SLC22A23: variants seen among roughly 807,000 people sequenced by gnomAD.
SLC22A23 encodes ion transporter protein.
In SLC22A23, 26 loss-of-function variants were observed where a neutral mutation model predicts 61.0. That is an observed-to-expected ratio of 0.43 (90% CI 0.31 to 0.59). The LOEUF is 0.59. Among genes scored for constraint, SLC22A23 ranks in the 20% least tolerant of loss-of-function variants. The probability of loss-of-function intolerance (pLI) is 0.11; values close to 1 mark genes in which losing one functional copy is unlikely to be tolerated. For synonymous variants in SLC22A23, 430 were observed against 413.9 expected (o/e 1.04, Z -0.47); for missense variants, 796 against 934.7 (o/e 0.85, Z 1.94).
chr6:3,443,706 A>T (rs1771735616), intron 1 of SLC22A23, among the ~76,000 whole-genome samples: 1 of 152,112 alleles, frequency 6.6e-6, no homozygotes, highest in Non-Finnish European at 1.5e-5. Context: ...AGCCCTGCGT[A>T]ACCTCACTCC....
chr6:3,374,012 A>G (rs1229028763), intron 3 of SLC22A23, among the ~76,000 whole-genome samples: 1 of 152,246 alleles, frequency 6.6e-6, no homozygotes, highest in African/African-American at 2.4e-5. Context: ...AAAAAGGTTA[A>G]GTATCTGCCC....
intron 3 of SLC22A23, among the ~76,000 whole-genome samples, chr6:3,362,259 C>G (rs914851889): frequency 2.0e-5 from 3 of 151,384 alleles, no homozygotes; most frequent in Non-Finnish European, 4.4e-5. Context: ...AAAAAATTAG[C>G]TGGGCGTGGT....
At chr6:3,274,056 A>G (rs1168458379) in intron 9 of SLC22A23, among the ~76,000 whole-genome samples, 1 of 152,206 alleles carries the variant, frequency 6.6e-6, no homozygotes, top group Admixed American at 6.5e-5. Flanking sequence ...GCACTGACAG[A>G]GAGGAACTCA....
intron 3 of SLC22A23, among the ~76,000 whole-genome samples, chr6:3,402,093 A>C (rs1249620463): frequency 2.0e-5 from 3 of 151,924 alleles, no homozygotes; most frequent in Non-Finnish European, 4.4e-5. Flanking sequence ...GCCCTCCTTC[A>C]CCCTTCTCCC....
intron 3 of SLC22A23, among the ~76,000 whole-genome samples, chr6:3,392,124 C>T (rs566835832): frequency 5.2e-4 from 79 of 152,348 alleles, no homozygotes; most frequent in Non-Finnish European, 1.0e-3. Context: ...AGACCAAGTT[C>T]TCCAGCCACC....
intron 9 of SLC22A23, among the ~76,000 whole-genome samples, chr6:3,274,409 G>A (rs1406525276): frequency 2.6e-5 from 4 of 152,320 alleles, no homozygotes; most frequent in Non-Finnish European, 4.4e-5. Context: ...GTGGAGTTGT[G>A]TGCCTCGCTC....
chr6:3,361,878 T>G (rs6906575), intron 3 of SLC22A23, among the ~76,000 whole-genome samples: 111 of 152,078 alleles, frequency 7.3e-4, no homozygotes, highest in African/African-American at 2.5e-3. Context: ...GATGAAGACA[T>G]GGTCCCTACC....
chr6:3,322,592 T>A lies in SLC22A23; in HGVS notation c.1082+1242A>T, dbSNP rs989606753. Among the ~76,000 whole-genome samples the A allele has an allele frequency of 1.3e-5, 2 of 152,128 alleles. No homozygotes were observed. The highest frequency in any genetic ancestry group is 2.9e-5 in the Non-Finnish European group (2 of 68,004). ...GTGGCCTCTCTGGCAGGTGGCCTTT[T>A]CCCATCTGCTATTGCTGGCCCCCTG... On this transcript the variant is annotated intron_variant, in intron 4 of 9. Transcript: ENST00000406686. The surrounding 1 kb of genome is among the most constrained non-coding windows in gnomAD (Gnocchi z 4.1).
chr6:3,452,039 CT>C (rs1772176148), intron 1 of SLC22A23, among the ~76,000 whole-genome samples: 1 of 152,166 alleles, frequency 6.6e-6, no homozygotes, highest in Non-Finnish European at 1.5e-5. Flanking sequence ...ATAAAACAGA[CT>C]TTGTGTGAGA....
chr6:3,288,314 C>G (rs1760245306), intron 6 of SLC22A23, among the ~76,000 whole-genome samples: 1 of 152,236 alleles, frequency 6.6e-6, no homozygotes, highest in Non-Finnish European at 1.5e-5. Flanking sequence ...AATCTACGTC[C>G]TTCTCATCTA....
At chr6:3,369,690 C>CAA (rs56226023) in intron 3 of SLC22A23, among the ~76,000 whole-genome samples, 97,682 of 144,742 alleles carry the variant, frequency 0.67, 32,955 homozygotes, top group East Asian at 0.83. Context: ...GACTCCATCT[C>CAA]AAAAAAAAAA....
chr6:3,456,734 G>A lies in SLC22A23; in HGVS notation c.-175C>T, dbSNP rs1168600925. ...GCGTCAGGCCGCCCCCATGTCACCC[G>A]CCGGACCCCGCGCCCCGGGCGCTGC... On this transcript the variant is annotated 5_prime_UTR_variant, in exon 1 of 10. Coordinates refer to ENST00000406686, the MANE Select transcript of SLC22A23 (RefSeq NM_015482.2). This position sits in a 1 kb window ranked among gnomAD's most constrained non-coding sequence, Gnocchi z 7.1. 7 of 248,362 alleles carry A rather than the reference G, an allele frequency of 2.8e-5. No individual in the cohort carries two copies. The East Asian group carries it at 1.3e-3, about 46-fold the overall frequency. 15.4% of individuals were successfully genotyped at this position (248,362 alleles called of 1,614,324 possible). A position where few individuals can be genotyped will look rare whatever the true frequency, so the allele number is the denominator to read the frequency against.
chr6:3,273,147 C>G lies in SLC22A23; in HGVS notation c.1969G>C (p.Glu657Gln). 1 of 1,611,148 alleles carries G rather than the reference C, an allele frequency of 6.2e-7. No individual in the cohort carries two copies. The highest frequency in any genetic ancestry group is 8.5e-7 in the Non-Finnish European group (1 of 1,179,806). ...TGGAGGCCCGAGTAGTCCTTGAGCT[C>G]GGCGTTGGTGAGCAGCAGTGGCTGC... Reference protein sequence around the residue: ...GEQPLLLTNAELKDYSGLHDA... With the variant: ...GEQPLLLTNAQLKDYSGLHDA... The change falls in exon 10 of 10, where the codon GAG (glutamate) becomes CAG (glutamine). Residue 657 changes from glutamate to glutamine, a missense_variant. By Grantham distance (29) the Glu-to-Gln change is conservative. Transcript: ENST00000406686.
In SLC22A23 at chr6:3,308,989, T is replaced by G. The variant is rs796926492; in HGVS notation, c.1083-10771A>C. ...ACCAAAAAACCCCAACAACCCACAGTGTGGATCGGCAGGTCCCTAACCCCA... is the reference window on the plus strand; with the variant it reads ...ACCAAAAAACCCCAACAACCCACAGGGTGGATCGGCAGGTCCCTAACCCCA... On this transcript the variant is annotated intron_variant, in intron 4 of 9. Coordinates refer to ENST00000406686, the MANE Select transcript of SLC22A23 (RefSeq NM_015482.2). The surrounding 1 kb of genome is among the most constrained non-coding windows in gnomAD (Gnocchi z 5.1). 1.1e-4 allele frequency among the ~76,000 whole-genome samples: 16 copies of G among 151,658 alleles called. No individual in the cohort carries two copies. Among genetic ancestry groups the G allele is most frequent in the African/African-American group, 3.9e-4 (16 of 41,310 alleles).
At chr6:3,443,167 G>C (rs189825118) in intron 1 of SLC22A23, among the ~76,000 whole-genome samples, 63 of 152,374 alleles carry the variant, frequency 4.1e-4, no homozygotes, top group Admixed American at 1.0e-3. Flanking sequence ...GAGAAACAAG[G>C]AAGACAGACT....
chr6:3,339,514 G>A (rs1430106581), intron 3 of SLC22A23, among the ~76,000 whole-genome samples: 1 of 152,174 alleles, frequency 6.6e-6, no homozygotes, highest in African/African-American at 2.4e-5. Flanking sequence ...ATTCCCAGAT[G>A]GTTAAGGCAT....
At position 3,427,746 on chromosome 6, in the gene SLC22A23, G is replaced by A. The variant is rs1313781994; in HGVS notation, c.655-11891C>T. On this transcript the variant is annotated intron_variant, in intron 1 of 9. Coordinates refer to ENST00000406686, the MANE Select transcript of SLC22A23 (RefSeq NM_015482.2). This position sits in a 1 kb window ranked among gnomAD's most constrained non-coding sequence, Gnocchi z 4.3. ...CTGACCAAAAGAAAAAAAAAAGTAG[G>A]ATGGTTCTCAAAAGCTGACAACACG... Among the ~76,000 whole-genome samples the A allele has an allele frequency of 6.6e-6, 1 of 152,132 alleles. No homozygotes were observed. The highest frequency in any genetic ancestry group is 2.4e-5 in the African/African-American group (1 of 41,422).
chr6:3,417,203 A>G (rs1351934302), intron 1 of SLC22A23, among the ~76,000 whole-genome samples: 1 of 152,242 alleles, frequency 6.6e-6, no homozygotes, highest in East Asian at 1.9e-4. Flanking sequence ...GCCTGTCACA[A>G]TGTCCCCACT....
chr6:3,280,657 G>A (rs12178149), intron 9 of SLC22A23, among the ~76,000 whole-genome samples: 123,138 of 150,892 alleles, frequency 0.82, 51,669 homozygotes, highest in Non-Finnish European at 0.92. Context: ...CACCACGCCC[G>A]GCTAATTTTT....
Sources: gnomAD v4.1 joint callset for allele counts (sites outside exome capture counted in the v4.1 genomes callset) on GRCh38, gnomAD v4.1.1 for gene constraint, Gnocchi (gnomAD v3.1) non-coding constraint, MANE v1.5 for transcripts, NCBI Gene and HGNC (gene_info 2026-07-23, HGNC 2026-07-21) for gene names.